Variants in LIN28B observed in about 807,000 individuals in gnomAD.
The protein encoded by LIN28B is protein lin-28 homolog B.
Under a neutral mutation model 21.9 loss-of-function variants are expected in LIN28B, and 5 were observed. That is an observed-to-expected ratio of 0.23 (90% CI 0.12 to 0.48). LIN28B has a LOEUF of 0.48. Ranked by LOEUF, LIN28B falls within the 20% of genes least tolerant of loss-of-function variation. The pLI is 0.98. For synonymous variants in LIN28B, 109 were observed against 111.3 expected (o/e 0.98, Z 0.13); for missense variants, 245 against 310.5 (o/e 0.79, Z 1.58).
chr6:105,016,987 C>G (rs1008428488), intron 2 of LIN28B, among the ~76,000 whole-genome samples: 1 of 148,984 alleles, frequency 6.7e-6, no homozygotes, highest in African/African-American at 2.5e-5. Flanking sequence ...GTGAGAGGAG[C>G]CCTTGAGCCT....
Position 105,053,354 on chromosome 6 carries a change from G to A in LIN28B, c.384-25060G>A, listed in dbSNP as rs150294959. 2.3e-3 allele frequency among the ~76,000 whole-genome samples: 342 copies of A among 151,602 alleles called. 2 individuals are homozygous for A. The highest frequency in any genetic ancestry group is 3.6e-3 in the Non-Finnish European group (246 of 67,904). On this transcript the variant is annotated intron_variant, in intron 3 of 3. Coordinates refer to ENST00000345080, the MANE Select transcript of LIN28B (RefSeq NM_001004317.4). ...TAGTGTTAATTAGATAATGGTGGTC[G>A]ATAGTGTAGCCCAAATCTATGTCTT...
chr6:105,043,388 A>G (rs160600), intron 3 of LIN28B, among the ~76,000 whole-genome samples: 65,826 of 143,964 alleles, frequency 0.46, 18,280 homozygotes, highest in Non-Finnish European at 0.61. Flanking sequence ...CTAAAACTAT[A>G]CAAAGTTAGT....
chr6:105,043,341 CAAAAAAAAAAAAAAAA>C (rs57532096), intron 3 of LIN28B, among the ~76,000 whole-genome samples: 10 of 75,384 alleles, frequency 1.3e-4, no homozygotes, highest in East Asian at 5.9e-4. Context: ...GACTCTGTCT[CAAAAAAAAAAAAAAAA>C]AAAAAAAAAA....
In LIN28B at chr6:105,078,061, C is replaced by T. The variant is rs58033314; in HGVS notation, c.384-353C>T. On this transcript the variant is annotated intron_variant, in intron 3 of 3. Transcript: ENST00000345080. ...GGCTTGTTGTTTTTTGTTGAATATT[C>T]GCTGCCCTCTAGTGGGCTTAATGGT... Among the ~76,000 whole-genome samples, 96 of 152,242 alleles carry T rather than the reference C, an allele frequency of 6.3e-4. 1 individual carries two copies. The highest frequency in any genetic ancestry group is 2.2e-3 in the African/African-American group (91 of 41,560).
chr6:105,044,629 A>T (rs139611159), intron 3 of LIN28B, among the ~76,000 whole-genome samples: 1 of 152,310 alleles, frequency 6.6e-6, no homozygotes, highest in African/African-American at 2.4e-5. Context: ...ACTACTTCAT[A>T]TGGCTTGATC....
intron 3 of LIN28B, among the ~76,000 whole-genome samples, chr6:105,029,689 T>C (rs1461808350): frequency 6.6e-6 from 1 of 152,072 alleles, no homozygotes; most frequent in Admixed American, 6.6e-5. Context: ...ATAAGAATAG[T>C]GGGTACGAAT....
intron 2 of LIN28B, among the ~76,000 whole-genome samples, chr6:104,984,787 T>G (rs963136473): frequency 6.6e-6 from 1 of 152,164 alleles, no homozygotes; most frequent in African/African-American, 2.4e-5. Context: ...AAGATATAGG[T>G]CAGAACTTTA....
chr6:105,050,232 A>G (rs1346291266), intron 3 of LIN28B, among the ~76,000 whole-genome samples: 2 of 152,194 alleles, frequency 1.3e-5, no homozygotes, highest in Non-Finnish European at 2.9e-5. Context: ...GCTTCTCTGT[A>G]AAGTATTTTA....
chr6:105,006,503 G>A (rs550631606), intron 2 of LIN28B, among the ~76,000 whole-genome samples: 2 of 152,238 alleles, frequency 1.3e-5, no homozygotes, highest in African/African-American at 4.8e-5. Context: ...GTAGAGATGG[G>A]ATTTCACCAT....
chr6:104,986,700 A>T (rs889103744), intron 2 of LIN28B, among the ~76,000 whole-genome samples: 2 of 152,208 alleles, frequency 1.3e-5, no homozygotes, highest in Non-Finnish European at 2.9e-5. Flanking sequence ...GAGTTGAGAA[A>T]CCAGGGGAAA....
chr6:104,942,371 G>A (rs891283434), intron 2 of LIN28B, among the ~76,000 whole-genome samples: 3 of 151,938 alleles, frequency 2.0e-5, no homozygotes, highest in African/African-American at 7.2e-5. Context: ...ATGCAAAAGT[G>A]CTTTTTTAAA....
chr6:104,968,710 T>A (rs1186874946), intron 2 of LIN28B, among the ~76,000 whole-genome samples: 3 of 152,206 alleles, frequency 2.0e-5, no homozygotes, highest in African/African-American at 7.2e-5. Context: ...TAAGCTTTTG[T>A]AAGCAATTTC....
chr6:105,050,518 C>T (rs535859913), intron 3 of LIN28B, among the ~76,000 whole-genome samples: 6 of 142,300 alleles, frequency 4.2e-5, no homozygotes, highest in African/African-American at 1.1e-4. Context: ...AGGAGAATGG[C>T]GTGAACCCGG....
intron 3 of LIN28B, among the ~76,000 whole-genome samples, chr6:105,040,255 G>T (rs1303866496): frequency 6.6e-6 from 1 of 151,962 alleles, no homozygotes; most frequent in Non-Finnish European, 1.5e-5. Context: ...TGCTTATTCA[G>T]TTTCATCATA....
At chr6:104,994,165 C>T (rs887923804) in intron 2 of LIN28B, among the ~76,000 whole-genome samples, 13 of 151,946 alleles carry the variant, frequency 8.6e-5, no homozygotes, top group East Asian at 7.8e-4. Context: ...CCACCACACC[C>T]GGCTAATTTT....
intron 2 of LIN28B, among the ~76,000 whole-genome samples, chr6:104,965,354 C>T (rs563350257): frequency 7.4e-4 from 113 of 152,068 alleles, no homozygotes; most frequent in South Asian, 4.2e-4. Context: ...GGCAAAACTC[C>T]GTCCCTACCA....
intron 3 of LIN28B, among the ~76,000 whole-genome samples, chr6:105,062,246 G>C (rs1355020214): frequency 1.3e-4 from 19 of 151,964 alleles, no homozygotes; most frequent in Non-Finnish European, 2.8e-4. Flanking sequence ...GTTGCAGCCA[G>C]GCCAACTCCT....
intron 2 of LIN28B, among the ~76,000 whole-genome samples, chr6:104,966,772 C>A (rs1254796010): frequency 6.6e-6 from 1 of 152,002 alleles, no homozygotes; most frequent in Non-Finnish European, 1.5e-5. Flanking sequence ...CAGGCACTCG[C>A]CACCACGCCC....
chr6:105,056,982 A>T (rs1772034410), intron 3 of LIN28B, among the ~76,000 whole-genome samples: 1 of 152,230 alleles, frequency 6.6e-6, no homozygotes, highest in Non-Finnish European at 1.5e-5. Context: ...GTTGCGTCTT[A>T]TATCTTTCCC....
Sources: allele counts gnomAD v4.1 joint callset (sites outside exome capture counted in the v4.1 genomes callset), GRCh38; gene constraint gnomAD v4.1.1; transcripts MANE v1.5; gene names NCBI Gene and HGNC (gene_info 2026-07-23, HGNC 2026-07-21).